Variants in EMC3 observed in about 807,000 individuals in gnomAD.
The protein encoded by EMC3 is 30 kDa protein.
In EMC3, 13 loss-of-function variants were observed where a neutral mutation model predicts 36.6. The ratio of observed to expected loss-of-function variants is 0.35; its 90% CI spans 0.23 to 0.56. The LOEUF is 0.56. Among genes scored for constraint, EMC3 ranks in the 20% least tolerant of loss-of-function variants. The pLI is 0.84. For missense variants in EMC3, 220 were observed against 324.5 expected, an observed-to-expected ratio of 0.68 and a Z score of 2.47; for synonymous variants, 120 against 111.9, an observed-to-expected ratio of 1.07 and a Z score of -0.46.
intron 1 of EMC3, among the ~76,000 whole-genome samples, chr3:9,984,953 T>C (rs1321456235): frequency 6.6e-6 from 1 of 152,230 alleles, no homozygotes; most frequent in Non-Finnish European, 1.5e-5. Flanking sequence ...TAGAGTTGCT[T>C]TGAAGTTTTA....
At chr3:9,988,467 C>G (rs1575688925), upstream of EMC3, 5 of 1,372,360 alleles carry the variant, frequency 3.6e-6, no homozygotes, top group South Asian at 2.3e-5. Flanking sequence ...ATTTCAGAAG[C>G]CTGGATTAAG....
chr3:10,001,325 G>A (rs534503078), intron 1 of EMC3, among the ~76,000 whole-genome samples: 4 of 151,520 alleles, frequency 2.6e-5, no homozygotes, highest in South Asian at 2.1e-4. Context: ...ACTTTGGGGG[G>A]CCGAGGTGGG....
Position 9,986,498 on chromosome 3 carries a change from G to C in EMC3, c.155+9C>G, listed in dbSNP as rs112259555. The C allele has an allele frequency of 1.9e-4, 300 of 1,613,376 alleles. 1 individual carries two copies. In the African/African-American group the frequency reaches 3.4e-3, roughly 18 times the overall value. On this transcript the variant is annotated intron_variant, in intron 1 of 7. Transcript: ENST00000245046. ...GTGTGAGGTAGGCTGGAGAAGGGAGGGCGCTGACCTGTCAGATACTTGTTC... is the reference window on the plus strand; with the variant it reads ...GTGTGAGGTAGGCTGGAGAAGGGAGCGCGCTGACCTGTCAGATACTTGTTC...
intron 7 of EMC3, chr3:9,968,971 C>G (rs1450708177): frequency 6.6e-6 from 1 of 152,300 alleles, no homozygotes; most frequent in Admixed American, 6.6e-5. Flanking sequence ...AGGTGCCCAC[C>G]ACCATGCCCA....
intron 1 of EMC3, among the ~76,000 whole-genome samples, chr3:9,997,824 TCCAC>T (rs1387418883): frequency 6.6e-6 from 1 of 152,168 alleles, no homozygotes; most frequent in Non-Finnish European, 1.5e-5. Context: ...TTGAGTTGTT[TCCAC>T]CTTTTGGCCA....
intron 1 of EMC3, chr3:10,003,163 A>G (rs2086225371): frequency 4.4e-6 from 2 of 456,454 alleles, no homozygotes; most frequent in South Asian, 3.1e-5. Flanking sequence ...CTTCTCCACC[A>G]AGAGCACCAG....
intron 7 of EMC3, chr3:9,969,408 G>T: frequency 8.0e-7 from 1 of 1,245,458 alleles, no homozygotes. Context: ...TGATGTCTAT[G>T]GGGTTCAAAA....
intron 7 of EMC3, chr3:9,969,433 C>A: frequency 7.7e-7 from 1 of 1,303,020 alleles, no homozygotes; most frequent in Non-Finnish European, 9.8e-7. Context: ...TCAAATTATT[C>A]TAAATGTTTA....
chr3:9,980,077 A>G (rs1490364485), intron 1 of EMC3, among the ~76,000 whole-genome samples: 1 of 149,718 alleles, frequency 6.7e-6, no homozygotes, highest in Non-Finnish European at 1.5e-5. Context: ...GCAATGGCGC[A>G]ATCCCAGCTC....
intron 5 of EMC3, 88 bp downstream of exon 5, chr3:9,973,540 G>A (rs2085811092): frequency 8.3e-7 from 1 of 1,203,854 alleles, no homozygotes; most frequent in African/African-American, 1.5e-5. Context: ...GCCCAGGCTG[G>A]TCTCAAACTC....
At chr3:9,984,884 G>C (rs143854971) in intron 1 of EMC3, among the ~76,000 whole-genome samples, 3 of 152,346 alleles carry the variant, frequency 2.0e-5, no homozygotes, top group African/African-American at 7.2e-5. Flanking sequence ...CTCAACGAAC[G>C]GGTGGGATGG....
chr3:9,970,440 C>G, intron 6 of EMC3, 142 bp downstream of exon 6: 2 of 946,488 alleles, frequency 2.1e-6, no homozygotes, highest in Non-Finnish European at 3.3e-6. Context: ...AAGACTCTTT[C>G]AGAATACCTC....
intron 1 of EMC3, among the ~76,000 whole-genome samples, chr3:10,001,364 A>G (rs2086197296): frequency 6.7e-6 from 1 of 148,582 alleles, no homozygotes; most frequent in South Asian, 2.1e-4. Context: ...GATCGAGACC[A>G]TCCTGGCTAA....
At chr3:9,973,219 G>A (rs2085806660) in intron 5 of EMC3, among the ~76,000 whole-genome samples, 1 of 150,206 alleles carries the variant, frequency 6.7e-6, no homozygotes, top group African/African-American at 2.5e-5. Flanking sequence ...TTTTCAGACA[G>A]AGTCTCGCTC....
chr3:9,990,240 G>A (rs1391939405), upstream of EMC3, among the ~76,000 whole-genome samples: 2 of 150,294 alleles, frequency 1.3e-5, no homozygotes, highest in African/African-American at 2.5e-5. Flanking sequence ...TAGCCAGGAT[G>A]GTCTGGATCT....
rs569482760 is a variant in EMC3 at position 9,966,161 on chromosome 3, C to G, written c.658-1964G>C. 2.1e-4 allele frequency among the ~76,000 whole-genome samples: 32 copies of G among 151,686 alleles called. 2 individuals are homozygous for G. In the South Asian group the frequency reaches 6.1e-3, roughly 29 times the overall value. On this transcript the variant is annotated intron_variant, in intron 7 of 7. Transcript: ENST00000245046. ...CAATTTCTCCACATCCTTACCGACACTTGTTATTGTTGATCTTTTTTTTTA... is the reference window on the plus strand; with the variant it reads ...CAATTTCTCCACATCCTTACCGACAGTTGTTATTGTTGATCTTTTTTTTTA...
At chr3:9,986,431 A>C (rs1228935771) in intron 1 of EMC3, 76 bp downstream of exon 1, 2 of 1,567,288 alleles carry the variant, frequency 1.3e-6, no homozygotes, top group African/African-American at 2.7e-5. Context: ...AACCTAGGCA[A>C]ATTGACACAA....
intron 1 of EMC3, among the ~76,000 whole-genome samples, chr3:9,998,990 T>G (rs2124934522): frequency 6.6e-6 from 1 of 152,306 alleles, no homozygotes; most frequent in South Asian, 2.1e-4. Context: ...ACTTTTGAGC[T>G]TAGGAGATCT....
intron 3 of EMC3, among the ~76,000 whole-genome samples, chr3:9,975,506 TAAAA>T (rs34914002): frequency 7.4e-6 from 1 of 135,060 alleles, no homozygotes. Context: ...CTTACTGGGC[TAAAA>T]AAAAAAAAAA....
Sources: gnomAD v4.1 joint callset for allele counts (sites outside exome capture counted in the v4.1 genomes callset) on GRCh38, gnomAD v4.1.1 for gene constraint, MANE v1.5 for transcripts, NCBI Gene and HGNC (gene_info 2026-07-23, HGNC 2026-07-21) for gene names.